Variants in KDM5A observed in about 807,000 individuals in gnomAD.
The protein encoded by KDM5A is lysine-specific demethylase 5A.
In KDM5A, 42 loss-of-function variants were observed where a neutral mutation model predicts 193.5. The observed-to-expected ratio is 0.22, with a 90% CI of 0.17 to 0.28. The LOEUF (loss-of-function observed/expected upper bound fraction) is 0.28, where lower values mean the gene tolerates loss of function less well. Ranked by LOEUF, KDM5A falls within the 10% of genes least tolerant of loss-of-function variation. The probability of loss-of-function intolerance (pLI) is 1.00; values close to 1 mark genes in which losing one functional copy is unlikely to be tolerated. For synonymous variants in KDM5A, 796 were observed against 718.1 expected (o/e 1.11, Z -1.73); for missense variants, 1,692 against 2,055.1 (o/e 0.82, Z 3.42).
At chr12:388,614 T>G (rs2137506692) in intron 1 of KDM5A, 1 of 445,798 alleles carries the variant, frequency 2.2e-6, no homozygotes, top group Non-Finnish European at 4.2e-6. Flanking sequence ...GAGGGAAGAA[T>G]ACGTCACGTC....
intron 27 of KDM5A, among the ~76,000 whole-genome samples, chr12:289,892 A>ATTTTTTTTTTTTTTTTTT (rs78074995): frequency 8.1e-6 from 1 of 124,072 alleles, no homozygotes; most frequent in African/African-American, 3.1e-5. Context: ...AAAAAGCATG[A>ATTTTTTTTTTTTTTTTTT]TTTTTTCTTT....
intron 9 of KDM5A, among the ~76,000 whole-genome samples, chr12:351,251 T>C (rs1944154916): frequency 6.6e-6 from 1 of 152,178 alleles, no homozygotes; most frequent in Non-Finnish European, 1.5e-5. Flanking sequence ...GATGTTCCCC[T>C]TCCTGTGTCC....
At chr12:369,473 AAT>A (rs1392982062) in intron 3 of KDM5A, among the ~76,000 whole-genome samples, 1 of 152,224 alleles carries the variant, frequency 6.6e-6, no homozygotes, top group Non-Finnish European at 1.5e-5. Flanking sequence ...CAATGAACAT[AAT>A]ATATAAATTT....
At chr12:322,113 G>A (rs1943724578) in intron 17 of KDM5A, 5 of 324,108 alleles carry the variant, frequency 1.5e-5, no homozygotes, top group Non-Finnish European at 2.9e-5. Flanking sequence ...AAAGAGGTAG[G>A]TAAGGGAACA....
intron 12 of KDM5A, chr12:332,955 T>A (rs1943882513): frequency 6.2e-6 from 1 of 162,118 alleles, no homozygotes; most frequent in African/African-American, 2.4e-5. Flanking sequence ...AATAGGTAGC[T>A]GTACATAAAG....
chr12:310,036 C>A, intron 21 of KDM5A, 72 bp from the exon 22 acceptor site: 1 of 1,504,330 alleles, frequency 6.6e-7, no homozygotes, highest in Non-Finnish European at 9.1e-7. Flanking sequence ...AATAAAGGAA[C>A]CATTTGTTGA....
Position 302,795 on chromosome 12 carries a change from A to T in KDM5A, c.4074+4151T>A, listed in dbSNP as rs191572196. ...ATCTGACAAAGGGCTAATATCCAGA[A>T]TCTACAAAGAACTTAAACAAATTTA... On this transcript the variant is annotated intron_variant, in intron 24 of 27. Coordinates refer to ENST00000399788, the MANE Select transcript of KDM5A (RefSeq NM_001042603.3). Among the ~76,000 whole-genome samples, 75 of 152,360 alleles carry T rather than the reference A, an allele frequency of 4.9e-4. No homozygotes were observed. In the Middle Eastern group the frequency reaches 0.014, roughly 28 times the overall value.
intron 13 of KDM5A, among the ~76,000 whole-genome samples, chr12:330,219 C>T (rs1445118185): frequency 1.3e-5 from 2 of 151,958 alleles, no homozygotes; most frequent in African/African-American, 4.8e-5. Context: ...AAAAATCATA[C>T]TGTGGGATTT....
At position 389,248 on chromosome 12, in the gene KDM5A, TC is replaced by T. The variant is rs1054338905; in HGVS notation, c.-158del. The T allele has an allele frequency of 1.3e-5, 10 of 770,474 alleles. No homozygotes were observed. The highest frequency in any genetic ancestry group is 1.0e-4 in the African/African-American group (6 of 59,054). 47.7% of individuals were successfully genotyped at this position (770,474 alleles called of 1,614,324 possible). A position where few individuals can be genotyped will look rare whatever the true frequency, so the allele number is the denominator to read the frequency against. On this transcript the variant is annotated 5_prime_UTR_variant, in exon 1 of 28. Coordinates refer to ENST00000399788, the MANE Select transcript of KDM5A (RefSeq NM_001042603.3). ...CAGAAACCCCAGAATCGCTTCCTCC[TC>T]CCGTTTGTTATTGTTTCTTGCAAGG...
chr12:341,499 T>A (rs1295160927), intron 10 of KDM5A, among the ~76,000 whole-genome samples: 1 of 151,586 alleles, frequency 6.6e-6, no homozygotes, highest in Non-Finnish European at 1.5e-5. Flanking sequence ...ATCAGTAACA[T>A]GAGGATAGAA....
At chr12:296,994 A>G (rs1943381622) in intron 25 of KDM5A, 47 bp downstream of exon 25, 6 of 1,585,626 alleles carry the variant, frequency 3.8e-6, no homozygotes, top group Non-Finnish European at 5.2e-6. Context: ...GCTTTTTCTC[A>G]TTGGTTTTCT....
At chr12:338,207 T>C (rs12314514) in intron 10 of KDM5A, among the ~76,000 whole-genome samples, 10,699 of 152,100 alleles carry the variant, frequency 0.07, 841 homozygotes, top group East Asian at 0.35. Context: ...AATATAAAAC[T>C]TCCCCTAAAT....
chr12:336,358 T>TA (rs61128182), intron 10 of KDM5A, among the ~76,000 whole-genome samples: 3,211 of 72,406 alleles, frequency 0.044, 140 homozygotes, highest in African/African-American at 0.13. Context: ...CCTGTCTCAC[T>TA]AAAAAAAAAA....
chr12:350,312 T>C (rs1192306994), intron 10 of KDM5A, among the ~76,000 whole-genome samples: 4 of 151,194 alleles, frequency 2.6e-5, no homozygotes, highest in Non-Finnish European at 4.4e-5. Flanking sequence ...AGCGGGTGCC[T>C]GTAATACCAG....
chr12:310,906 ATTC>A lies in KDM5A; in HGVS notation c.3192_3194del (p.Lys1064del). 6.2e-7 allele frequency: 1 copy of A among 1,614,206 alleles called. No individual in the cohort carries two copies. Among genetic ancestry groups the A allele is most frequent in the Non-Finnish European group, 8.5e-7 (1 of 1,180,020 alleles). ...GTACCTGTAACAATGTATGGCTAGA[ATTC>A]TTCTTAAGAAACGTCCGCCCAGTCC... On this transcript the variant is annotated inframe_deletion, in exon 21 of 28. Coordinates refer to ENST00000399788, the MANE Select transcript of KDM5A (RefSeq NM_001042603.3).
In KDM5A at chr12:374,107, C is replaced by T. The variant is rs1944469087; in HGVS notation, c.367-8003G>A. On this transcript the variant is annotated intron_variant, in intron 3 of 27. Transcript: ENST00000399788. ...AGATGTCTATTAGATCTGCTTGGTG[C>T]AGAGCTGATTTCAATTCCTGGATAT... is the stretch of plus-strand genomic sequence containing the variant. Among the ~76,000 whole-genome samples, 2 of 152,122 alleles carry T rather than the reference C, an allele frequency of 1.3e-5. 1 individual carries two copies. Among genetic ancestry groups the T allele is most frequent in the African/African-American group, 4.8e-5 (2 of 41,416 alleles).
intron 20 of KDM5A, among the ~76,000 whole-genome samples, chr12:311,786 C>T (rs1565530050): frequency 6.6e-6 from 1 of 152,150 alleles, no homozygotes. Context: ...GTAATCCCAG[C>T]ACTTTGGAAG....
intron 10 of KDM5A, among the ~76,000 whole-genome samples, chr12:338,606 T>C (rs1400099504): frequency 6.6e-6 from 1 of 152,178 alleles, no homozygotes; most frequent in Non-Finnish European, 1.5e-5. Context: ...CTGGGAATGG[T>C]CTTGGAGACA....
intron 3 of KDM5A, among the ~76,000 whole-genome samples, chr12:376,918 C>G (rs940554222): frequency 6.6e-6 from 1 of 151,912 alleles, no homozygotes; most frequent in Admixed American, 6.6e-5. Flanking sequence ...CAAAAACAGA[C>G]AAACAAAAAT....
Sources: gnomAD v4.1 joint callset for allele counts (sites outside exome capture counted in the v4.1 genomes callset) on GRCh38, gnomAD v4.1.1 for gene constraint, MANE v1.5 for transcripts, NCBI Gene and HGNC (gene_info 2026-07-23, HGNC 2026-07-21) for gene names.